The following ARRB1 variants were observed in gnomAD, a reference collection of about 807,000 sequenced individuals.
The protein encoded by ARRB1 is arrestin beta 1, also known as beta-arrestin-1.
A neutral mutation model predicts 56.8 loss-of-function variants in ARRB1; 21 were observed. That is an observed-to-expected ratio of 0.37 (90% CI 0.26 to 0.53). The LOEUF is 0.53. Among genes scored for constraint, ARRB1 ranks in the 20% least tolerant of loss-of-function variants. The pLI is 0.88. For missense variants in ARRB1, 424 were observed against 553.7 expected (o/e 0.77, Z 2.35); for synonymous variants, 210 against 218.6 (o/e 0.96, Z 0.35).
intron 1 of ARRB1, among the ~76,000 whole-genome samples, chr11:75,319,815 A>G (rs994322823): frequency 1.3e-5 from 2 of 152,168 alleles, no homozygotes; most frequent in Non-Finnish European, 2.9e-5. Context: ...GGTTTGAAAA[A>G]TTAGAAGTAC....
At chr11:75,312,542 C>T (rs533026569) in intron 1 of ARRB1, among the ~76,000 whole-genome samples, 1 of 152,240 alleles carries the variant, frequency 6.6e-6, no homozygotes, top group African/African-American at 2.4e-5. Context: ...GAGTAACAGC[C>T]CCCCGAGATG....
In ARRB1 at chr11:75,273,041, G is replaced by A. The variant is rs1025705653; in HGVS notation, c.915-63C>T. The A allele has an allele frequency of 5.8e-5, 85 of 1,467,274 alleles. No homozygotes were observed. The African/African-American group carries it at 1.1e-3, about 19-fold the overall frequency. The allele number at this position is 1,467,274 out of a possible 1,614,324, so 90.9% of individuals were successfully genotyped here. A position where few individuals can be genotyped will look rare whatever the true frequency, so the allele number is the denominator to read the frequency against. Reference sequence around the variant, plus strand: ...GCCAGGTGGGCGAGACACCTCAGGGGTGGGTATGCTGGGGGGCAGTGGCCG... The same window carrying A: ...GCCAGGTGGGCGAGACACCTCAGGGATGGGTATGCTGGGGGGCAGTGGCCG... On this transcript the variant is annotated intron_variant, in intron 11 of 15. Coordinates refer to ENST00000420843, the MANE Select transcript of ARRB1 (RefSeq NM_004041.5).
rs2140408224 is a variant in ARRB1 at position 75,274,215 on chromosome 11, G to A, written c.777-4C>T. 1.2e-6 allele frequency: 2 copies of A among 1,613,898 alleles called. No individual in the cohort carries two copies. Among genetic ancestry groups the A allele is most frequent in the South Asian group, 2.2e-5 (2 of 91,076 alleles). Reference sequence around the variant, plus strand: ...CGAGCTGGGTGCCACAGTGTCACTGGGAAGAAAGGAAGCAGCTGTGGAGAT... The same window carrying A: ...CGAGCTGGGTGCCACAGTGTCACTGAGAAGAAAGGAAGCAGCTGTGGAGAT... On this transcript the variant is annotated splice_polypyrimidine_tract_variant and splice_region_variant and intron_variant, in intron 10 of 15. Coordinates refer to ENST00000420843, the MANE Select transcript of ARRB1 (RefSeq NM_004041.5).
intron 1 of ARRB1, among the ~76,000 whole-genome samples, chr11:75,320,365 A>G (rs1235676087): frequency 6.6e-6 from 1 of 152,228 alleles, no homozygotes. Flanking sequence ...AGAGCCAGAC[A>G]TGCAAACTCC....
At chr11:75,293,452 TC>T (rs1946655023) in intron 1 of ARRB1, among the ~76,000 whole-genome samples, 1 of 152,194 alleles carries the variant, frequency 6.6e-6, no homozygotes, top group Admixed American at 6.5e-5. Flanking sequence ...TGAGGATGCT[TC>T]GTTTCCTGGG....
intron 1 of ARRB1, among the ~76,000 whole-genome samples, chr11:75,327,837 C>T (rs2140503668): frequency 6.6e-6 from 1 of 152,186 alleles, no homozygotes; most frequent in African/African-American, 2.4e-5. Context: ...GATCTGCCCA[C>T]CTTGGCCTCC....
At position 75,289,493 on chromosome 11, in the gene ARRB1, C is replaced by A. The variant is rs34916046; in HGVS notation, c.51+516G>T. Among the ~76,000 whole-genome samples the A allele has an allele frequency of 8.5e-3, 1,289 of 152,304 alleles. 10 individuals are homozygous for A. The highest frequency in any genetic ancestry group is 0.03 in the African/African-American group (1,235 of 41,558). On this transcript the variant is annotated intron_variant, in intron 2 of 15. Transcript: ENST00000420843. Reference sequence around the variant, plus strand: ...ACTGTGCCTCATTCATCTGAGTACACCCTGCCCCTGTCCCCGCCGGCTCAG... The same window carrying A: ...ACTGTGCCTCATTCATCTGAGTACAACCTGCCCCTGTCCCCGCCGGCTCAG...
At position 75,273,586 on chromosome 11, in the gene ARRB1, T is replaced by C. The variant is rs1471688054; in HGVS notation, c.914+488A>G. Among the ~76,000 whole-genome samples, 5 of 152,288 alleles carry C rather than the reference T, an allele frequency of 3.3e-5. No individual in the cohort carries two copies. In the East Asian group the frequency reaches 5.8e-4, roughly 18 times the overall value. ...GGACCACACTGGCAAGAGGGCAAGA[T>C]GGCATCCCCATAGCCAGGGCTCTGC... On this transcript the variant is annotated intron_variant, in intron 11 of 15. Coordinates refer to ENST00000420843, the MANE Select transcript of ARRB1 (RefSeq NM_004041.5).
In ARRB1 at chr11:75,346,140, G is replaced by A. The variant is rs572189950; in HGVS notation, c.20+5448C>T. On this transcript the variant is annotated intron_variant, in intron 1 of 15. Transcript: ENST00000420843. ...ACCTGCAGCCAGTATCTGCACCTTG[G>A]CCTAGGCTCTTTCTTCTGTCTAGAA... 6.6e-5 allele frequency among the ~76,000 whole-genome samples: 10 copies of A among 152,046 alleles called. No homozygotes were observed. The South Asian group carries it at 2.1e-3, about 32-fold the overall frequency.
chr11:75,286,223 G>C (rs529017501), intron 3 of ARRB1, among the ~76,000 whole-genome samples: 1 of 141,676 alleles, frequency 7.1e-6, no homozygotes, highest in Non-Finnish European at 1.5e-5. Flanking sequence ...TGATGGGAAA[G>C]GCCATACTAG....
intron 7 of ARRB1, 67 bp from the exon 8 acceptor site, chr11:75,278,811 C>T (rs1222350941): frequency 1.3e-6 from 2 of 1,540,398 alleles, no homozygotes; most frequent in African/African-American, 1.4e-5. Context: ...CCTTGCGAGC[C>T]TCACATCATT....
intron 1 of ARRB1, among the ~76,000 whole-genome samples, chr11:75,322,169 C>T (rs568840594): frequency 6.6e-6 from 1 of 152,334 alleles, no homozygotes; most frequent in African/African-American, 2.4e-5. Context: ...GAAGAAGCAG[C>T]AGTACTAACT....
intron 1 of ARRB1, chr11:75,335,024 A>G (rs1947580540): frequency 5.9e-6 from 1 of 169,676 alleles, no homozygotes; most frequent in Admixed American, 6.5e-5. Flanking sequence ...ACATGGACAC[A>G]TTGCTAGGCC....
chr11:75,266,180 G>A lies in ARRB1; in HGVS notation c.1240C>T (p.Gln414Ter). 6.2e-7 allele frequency: 1 copy of A among 1,614,228 alleles called. No homozygotes were observed. Residue 414 changes from glutamine to a stop codon, truncating the protein, a stop_gained, in exon 16 of 16, where the codon CAG becomes TAG. Coordinates refer to ENST00000420843, the MANE Select transcript of ARRB1 (RefSeq NM_004041.5). LOFTEE classifies it high-confidence loss of function. Reference protein sequence around the residue: ...EEEEDGTGSPQLNNR With the variant: ...EEEEDGTGSP The stretch of plus-strand genomic sequence containing the variant: ...CGGCCCGTCTATCTGTTGTTGAGCT[G>A]TGGAGAGCCGGTACCATCCTCCTCT...
intron 1 of ARRB1, among the ~76,000 whole-genome samples, chr11:75,327,301 CAAAA>C (rs777940901): frequency 1.7e-5 from 1 of 60,266 alleles, no homozygotes; most frequent in African/African-American, 6.6e-5. Context: ...AACTCCATCT[CAAAA>C]AAAAAAAAAA....
intron 1 of ARRB1, among the ~76,000 whole-genome samples, chr11:75,294,471 C>T (rs889233568): frequency 3.9e-5 from 6 of 151,984 alleles, no homozygotes; most frequent in East Asian, 1.9e-4. Flanking sequence ...GCAGAAGAAT[C>T]GCTTCAACCA....
chr11:75,310,984 G>A (rs1947142950), intron 1 of ARRB1, among the ~76,000 whole-genome samples: 2 of 152,150 alleles, frequency 1.3e-5, no homozygotes, highest in Non-Finnish European at 2.9e-5. Context: ...ATAGGGTAGG[G>A]GAGACAGATG....
intron 11 of ARRB1, 42 bp from the exon 12 acceptor site, chr11:75,273,020 G>T: frequency 6.3e-7 from 1 of 1,589,678 alleles, no homozygotes. Context: ...GGCCTTGCCA[G>T]GTGGGCGAGA....
Position 75,283,225 on chromosome 11 carries a change from C to A in ARRB1, c.354+62G>T, listed in dbSNP as rs1031151918. 1.3e-5 allele frequency: 20 copies of A among 1,529,196 alleles called. No individual in the cohort carries two copies. In the African/African-American group the frequency reaches 2.3e-4, roughly 18 times the overall value. The allele number at this position is 1,529,196 out of a possible 1,614,324, so 94.7% of individuals were successfully genotyped here. ...ACCCTCACCGCCCTCTTATGCCCAC[C>A]CCAGAGGGCTTCCTAGAGGTGGCAT... is the stretch of plus-strand genomic sequence containing the variant. On this transcript the variant is annotated intron_variant, in intron 5 of 15. Transcript: ENST00000420843.
Sources: gnomAD v4.1 joint callset for allele counts (sites outside exome capture counted in the v4.1 genomes callset) on GRCh38, gnomAD v4.1.1 for gene constraint, MANE v1.5 for transcripts, NCBI Gene and HGNC (gene_info 2026-07-23, HGNC 2026-07-21) for gene names.